ANO2: variants seen among roughly 807,000 people sequenced by gnomAD.
ANO2 encodes the protein anoctamin 2, also known as anoctamin-2.
A neutral mutation model predicts 124.2 loss-of-function variants in ANO2; 101 were observed. The ratio of observed to expected loss-of-function variants is 0.81; its 90% CI spans 0.69 to 0.96. ANO2 has a LOEUF of 0.96. Among genes scored for constraint, ANO2 ranks in the 40% least tolerant of loss-of-function variants. ANO2 has a pLI of 0.00. For missense variants in ANO2, 1,293 were observed against 1,274.5 expected, an observed-to-expected ratio of 1.01 and a Z score of -0.22; for synonymous variants, 486 against 482.5, an observed-to-expected ratio of 1.01 and a Z score of -0.09.
intron 1 of ANO2, among the ~76,000 whole-genome samples, chr12:5,944,334 C>A (rs1291808285): frequency 6.6e-6 from 1 of 152,250 alleles, no homozygotes; most frequent in Non-Finnish European, 1.5e-5. Context: ...TCAGTGGGAC[C>A]TTCTGTCCCA....
chr12:5,764,468 C>G (rs1439766046), intron 10 of ANO2, among the ~76,000 whole-genome samples: 1 of 152,148 alleles, frequency 6.6e-6, no homozygotes, highest in Non-Finnish European at 1.5e-5. Flanking sequence ...ATTCACTAAC[C>G]CAAGGTTGCA....
At chr12:5,771,239 C>A (rs751379319) in intron 10 of ANO2, among the ~76,000 whole-genome samples, 17 of 152,150 alleles carry the variant, frequency 1.1e-4, no homozygotes, top group Non-Finnish European at 2.4e-4. Context: ...GTTATAAAGC[C>A]TATCCCTGTT....
intron 10 of ANO2, among the ~76,000 whole-genome samples, chr12:5,755,888 C>A (rs1418690851): frequency 6.6e-6 from 1 of 152,098 alleles, no homozygotes; most frequent in Non-Finnish European, 1.5e-5. Context: ...TTTGGATGTT[C>A]ATTTCTCTTC....
intron 14 of ANO2, among the ~76,000 whole-genome samples, chr12:5,731,807 C>T (rs534399357): frequency 1.8e-4 from 28 of 152,196 alleles, no homozygotes; most frequent in African/African-American, 5.3e-4. Flanking sequence ...CATGTTTCCA[C>T]GTTTGGAGGT....
At position 5,806,690 on chromosome 12, in the gene ANO2, C is replaced by T. The variant is rs113478387; in HGVS notation, c.949-597G>A. Among the ~76,000 whole-genome samples the T allele has an allele frequency of 2.0e-5, 3 of 152,284 alleles. 1 individual carries two copies. The highest frequency in any genetic ancestry group is 7.2e-5 in the African/African-American group (3 of 41,558). ...CCATTGCATTGTATCATGGTATGTT[C>T]GTAACATTATCTCCAGTCAAGGAGA... On this transcript the variant is annotated intron_variant, in intron 8 of 24. Transcript: ENST00000682330.
rs57000935 is a variant in ANO2 at position 5,925,040 on chromosome 12, C to T, written c.23-2236G>A. Among the ~76,000 whole-genome samples, 1 of 152,138 alleles carries T rather than the reference C, an allele frequency of 6.6e-6. No homozygotes were observed. The highest frequency in any genetic ancestry group is 2.1e-4 in the South Asian group (1 of 4,832). ...CTTGTGCCTTCCTGCATGCCTGCCC[C>T]ACAAGTGCCTGAGAACAGAACTTGG... On this transcript the variant is annotated intron_variant, in intron 1 of 24. Transcript: ENST00000682330. This position sits in a 1 kb window ranked among gnomAD's most constrained non-coding sequence, Gnocchi z 4.6.
At chr12:5,760,627 C>G (rs1951711899) in intron 10 of ANO2, among the ~76,000 whole-genome samples, 1 of 152,088 alleles carries the variant, frequency 6.6e-6, no homozygotes, top group South Asian at 2.1e-4. Flanking sequence ...TACACATCCA[C>G]TATAATTCCT....
intron 20 of ANO2, among the ~76,000 whole-genome samples, chr12:5,585,297 T>A (rs573077610): frequency 6.6e-6 from 1 of 152,196 alleles, no homozygotes; most frequent in African/African-American, 2.4e-5. Context: ...TCAGTCTGCA[T>A]GGAGTCACCT....
chr12:5,750,941 T>C lies in ANO2; in HGVS notation c.1085A>G (p.Tyr362Cys), dbSNP rs760607501. Reference protein sequence around the residue: ...RKYFGEKIGLYFAWLGLYTSF... With the variant: ...RKYFGEKIGLCFAWLGLYTSF... ...TGTATATAATCCCAGCCAGGCAAAA[T>C]ACAGTCCAATTTTTTCTCCAAAATA... The change falls in exon 11 of 25, where the codon TAT (tyrosine) becomes TGT (cysteine). Residue 362 changes from tyrosine (Y) to cysteine (C), a missense_variant. By Grantham distance (194) the Tyr-to-Cys change is radical. Transcript: ENST00000682330. 6 of 1,606,046 alleles carry C rather than the reference T, an allele frequency of 3.7e-6. No individual in the cohort carries two copies. Among genetic ancestry groups the C allele is most frequent in the Non-Finnish European group, 5.1e-6 (6 of 1,176,152 alleles).
chr12:5,930,456 G>C lies in ANO2; in HGVS notation c.23-7652C>G, dbSNP rs150656873. ...GGAGATGAAGTGGTCCAGACGGGTA[G>C]GTGCGGACTCGATCAGGAAAGACCC... is the stretch of plus-strand genomic sequence containing the variant. On this transcript the variant is annotated intron_variant, in intron 1 of 24. Coordinates refer to ENST00000682330, the MANE Select transcript of ANO2 (RefSeq NM_001364791.2). Among the ~76,000 whole-genome samples the C allele has an allele frequency of 4.4e-3, 666 of 152,220 alleles. 5 individuals carry two copies. Among genetic ancestry groups the C allele is most frequent in the African/African-American group, 0.013 (547 of 41,544 alleles).
intron 13 of ANO2, among the ~76,000 whole-genome samples, chr12:5,736,516 A>G (rs1156257498): frequency 1.3e-5 from 2 of 152,148 alleles, no homozygotes; most frequent in Non-Finnish European, 2.9e-5. Context: ...AAAAACTTCT[A>G]ATCATGGCTT....
intron 14 of ANO2, among the ~76,000 whole-genome samples, chr12:5,651,465 G>C (rs1946911909): frequency 6.6e-6 from 1 of 151,396 alleles, no homozygotes; most frequent in Non-Finnish European, 1.5e-5. Flanking sequence ...CTGCCACCCA[G>C]GCTGGAGTGC....
chr12:5,610,933 C>T (rs1012963716), intron 19 of ANO2, among the ~76,000 whole-genome samples: 2 of 144,464 alleles, frequency 1.4e-5, no homozygotes, highest in African/African-American at 5.1e-5. Context: ...TGGTAGTCTT[C>T]TTTCAAGACA....
intron 3 of ANO2, among the ~76,000 whole-genome samples, chr12:5,901,610 T>C (rs1940215438): frequency 6.6e-6 from 1 of 152,188 alleles, no homozygotes; most frequent in Non-Finnish European, 1.5e-5. Flanking sequence ...CACGACTGCA[T>C]GATTCTGCAG....
chr12:5,635,401 A>G lies in ANO2; in HGVS notation c.1621-54T>C. ...ATCAGCCGGCAATTACCGAGCACCTACTATTTGCTCTGCCAACAGTACCAT... is the reference window on the plus strand; with the variant it reads ...ATCAGCCGGCAATTACCGAGCACCTGCTATTTGCTCTGCCAACAGTACCAT... On this transcript the variant is annotated intron_variant, in intron 15 of 24. Coordinates refer to ENST00000682330, the MANE Select transcript of ANO2 (RefSeq NM_001364791.2). The surrounding 1 kb of genome is among the most constrained non-coding windows in gnomAD (Gnocchi z 5.2). 1 of 1,391,246 alleles carries G rather than the reference A, an allele frequency of 7.2e-7. No individual in the cohort carries two copies. Among genetic ancestry groups the G allele is most frequent in the Middle Eastern group, 1.9e-4 (1 of 5,332 alleles). The allele number at this position is 1,391,246 out of a possible 1,614,324, so 86.2% of individuals were successfully genotyped here.
chr12:5,890,785 G>A (rs1939338403), intron 3 of ANO2, among the ~76,000 whole-genome samples: 2 of 152,148 alleles, frequency 1.3e-5, no homozygotes, highest in Non-Finnish European at 2.9e-5. Flanking sequence ...CAAAAACCTG[G>A]GCTGACATCT....
chr12:5,841,799 C>A (rs1269129937), intron 4 of ANO2, among the ~76,000 whole-genome samples: 4 of 152,212 alleles, frequency 2.6e-5, no homozygotes, highest in African/African-American at 9.7e-5. Context: ...CTAAATGATT[C>A]TCCTCTGGTT....
At chr12:5,822,070 A>G (rs993131540) in intron 7 of ANO2, among the ~76,000 whole-genome samples, 23 of 152,208 alleles carry the variant, frequency 1.5e-4, no homozygotes, top group African/African-American at 5.1e-4. Context: ...CAGCAGCACT[A>G]CAGCCCCTTT....
intron 11 of ANO2, among the ~76,000 whole-genome samples, 163 bp downstream of exon 11, chr12:5,750,673 C>T (rs1204715800): frequency 6.6e-6 from 1 of 152,220 alleles, no homozygotes; most frequent in African/African-American, 2.4e-5. Flanking sequence ...GAATCTGTAG[C>T]TCCTAGATCT....
Sources: allele counts gnomAD v4.1 joint callset (sites outside exome capture counted in the v4.1 genomes callset), GRCh38; gene constraint gnomAD v4.1.1; non-coding constraint Gnocchi (gnomAD v3.1); transcripts MANE v1.5; gene names NCBI Gene and HGNC (gene_info 2026-07-23, HGNC 2026-07-21).